UBAC2: variants seen among roughly 807,000 people sequenced by gnomAD.
UBAC2 encodes ubiquitin-associated domain-containing protein 2.
UBAC2 carries 26 observed loss-of-function variants against 44.0 expected under a neutral mutation model. The observed-to-expected ratio is 0.59, with a 90% CI of 0.43 to 0.82. The LOEUF (loss-of-function observed/expected upper bound fraction) is 0.82. UBAC2 is among the 40% of genes least tolerant of loss of function. The pLI, the probability that UBAC2 is intolerant of heterozygous loss-of-function variation, is 0.00. For synonymous variants in UBAC2, 155 were observed against 154.3 expected (o/e 1.00, Z -0.04); for missense variants, 329 against 419.4 (o/e 0.78, Z 1.88).
intron 1 of UBAC2, among the ~76,000 whole-genome samples, chr13:99,230,789 G>A (rs913807493): frequency 4.6e-5 from 7 of 152,080 alleles, no homozygotes; most frequent in African/African-American, 1.7e-4. Context: ...AGCGGCTCAC[G>A]CTTGTAATCC....
intron 8 of UBAC2, among the ~76,000 whole-genome samples, chr13:99,384,136 G>A (rs1195299991): frequency 5.3e-5 from 8 of 152,266 alleles, no homozygotes; most frequent in South Asian, 2.1e-4. Context: ...GTGATACTGG[G>A]CCCCTTCTCT....
chr13:99,312,654 G>T (rs2138761739), intron 4 of UBAC2: 1 of 152,980 alleles, frequency 6.5e-6, no homozygotes, highest in African/African-American at 2.4e-5. Flanking sequence ...CTGCCAGGAG[G>T]AGTCAGAGAA....
At chr13:99,265,244 G>A (rs1384067504) in intron 4 of UBAC2, among the ~76,000 whole-genome samples, 1 of 152,210 alleles carries the variant, frequency 6.6e-6, no homozygotes, top group East Asian at 1.9e-4. Flanking sequence ...TGTATGGGTA[G>A]ACTTTATGAG....
chr13:99,290,463 C>T (rs1164464418), intron 4 of UBAC2, among the ~76,000 whole-genome samples: 1 of 152,004 alleles, frequency 6.6e-6, no homozygotes, highest in Non-Finnish European at 1.5e-5. Context: ...CAGTGGTTTA[C>T]GCTTGTAATC....
Position 99,200,917 on chromosome 13 carries a change from C to T in UBAC2, c.9C>T (p.Thr3=). MF[T]STGSSGLYKA... Reference sequence around the variant, plus strand: ...CCGAGCCCGGCGGGACCATGTTCACCAGCACCGGCTCCAGTGGGCTCTGTG... The same window carrying T: ...CCGAGCCCGGCGGGACCATGTTCACTAGCACCGGCTCCAGTGGGCTCTGTG... Residue 3 remains threonine (T), a synonymous_variant, in exon 1 of 9, where the codon ACC becomes ACT. Transcript: ENST00000403766. 3.8e-6 allele frequency: 5 copies of T among 1,307,210 alleles called. No homozygotes were observed. The highest frequency in any genetic ancestry group is 4.9e-6 in the Non-Finnish European group (5 of 1,019,600). The allele number at this position is 1,307,210 out of a possible 1,614,324, so 81.0% of individuals were successfully genotyped here. A position where few individuals can be genotyped will look rare whatever the true frequency, so the allele number is the denominator to read the frequency against.
rs772013140 is a variant in UBAC2 at position 99,340,325 on chromosome 13, C to T, written c.567C>T (p.Ser189=). ...IWIVAISGLM[S]GLCYDSKMFQ... ...ATTGGACGTTTTTCTTCTAGATGTC[C>T]GGTCTGTGCTACGACAGCAAAATGT... Residue 189 remains serine, a synonymous_variant, in exon 7 of 9, where the codon TCC becomes TCT. Transcript: ENST00000403766. The T allele has an allele frequency of 2.4e-5, 38 of 1,613,578 alleles. No individual in the cohort carries two copies. Among genetic ancestry groups the T allele is most frequent in the Non-Finnish European group, 2.7e-5 (32 of 1,179,770 alleles).
At chr13:99,210,858 C>T (rs559904169) in intron 1 of UBAC2, among the ~76,000 whole-genome samples, 76 of 152,092 alleles carry the variant, frequency 5.0e-4, no homozygotes, top group Admixed American at 2.0e-3. Context: ...GTGATCCACC[C>T]ACCTCGGCCT....
chr13:99,230,738 C>T (rs898599519), intron 1 of UBAC2, among the ~76,000 whole-genome samples: 31 of 152,166 alleles, frequency 2.0e-4, no homozygotes, highest in African/African-American at 6.8e-4. Context: ...TACTCTCCTG[C>T]CTCCCTCTTG....
At chr13:99,338,877 C>T (rs1156615262) in intron 6 of UBAC2, among the ~76,000 whole-genome samples, 1 of 152,204 alleles carries the variant, frequency 6.6e-6, no homozygotes, top group Non-Finnish European at 1.5e-5. Flanking sequence ...GATAACTAAA[C>T]TCTATTTCCC....
chr13:99,238,589 C>G (rs374624325), intron 2 of UBAC2, 35 bp downstream of exon 2: 1 of 1,487,942 alleles, frequency 6.7e-7, no homozygotes, highest in Non-Finnish European at 9.0e-7. Context: ...GAGAGGAGAG[C>G]GGACAGTTTT....
intron 8 of UBAC2, among the ~76,000 whole-genome samples, chr13:99,381,943 A>G (rs937492681): frequency 6.6e-6 from 1 of 152,208 alleles, no homozygotes; most frequent in African/African-American, 2.4e-5. Flanking sequence ...AGGACACCAA[A>G]CCAATCCTGT....
intron 1 of UBAC2, among the ~76,000 whole-genome samples, chr13:99,234,801 A>AC (rs1424484838): frequency 1.3e-5 from 2 of 152,184 alleles, no homozygotes; most frequent in Non-Finnish European, 2.9e-5. Context: ...AGAAGAGGCT[A>AC]CCTAGATGTC....
intron 6 of UBAC2, among the ~76,000 whole-genome samples, chr13:99,333,821 C>A (rs1047521287): frequency 6.6e-6 from 1 of 152,164 alleles, no homozygotes; most frequent in Admixed American, 6.5e-5. Context: ...CTTTAACCTT[C>A]CTCAGTTTCT....
intron 6 of UBAC2, among the ~76,000 whole-genome samples, chr13:99,331,749 A>T (rs1196341350): frequency 1.3e-5 from 2 of 152,226 alleles, no homozygotes; most frequent in Non-Finnish European, 2.9e-5. Flanking sequence ...TTCTTGGGGT[A>T]ATAAATTAGG....
Position 99,359,828 on chromosome 13 carries a change from G to A in UBAC2, c.808-7959G>A, listed in dbSNP as rs374009609. Among the ~76,000 whole-genome samples, 20 of 152,252 alleles carry A rather than the reference G, an allele frequency of 1.3e-4. No individual in the cohort carries two copies. The East Asian group carries it at 1.7e-3, about 13-fold the overall frequency. ...CCCCTAAAGAGTCACATCGCCCTTC[G>A]CTGCCTACCCCATGGTCTCCCCCAG... On this transcript the variant is annotated intron_variant, in intron 7 of 8. Coordinates refer to ENST00000403766, the MANE Select transcript of UBAC2 (RefSeq NM_001144072.2).
intron 1 of UBAC2, among the ~76,000 whole-genome samples, chr13:99,222,534 A>G (rs1392250508): frequency 6.6e-6 from 1 of 152,250 alleles, no homozygotes; most frequent in Non-Finnish European, 1.5e-5. Context: ...GGGGTAGCCC[A>G]TTGGTAATTA....
At chr13:99,333,239 T>G (rs1368253286) in intron 6 of UBAC2, among the ~76,000 whole-genome samples, 1 of 152,276 alleles carries the variant, frequency 6.6e-6, no homozygotes, top group Admixed American at 6.5e-5. Context: ...TTGTCCCATC[T>G]TTCCATAGAC....
chr13:99,358,513 T>C (rs947320043), intron 7 of UBAC2, among the ~76,000 whole-genome samples: 3 of 152,242 alleles, frequency 2.0e-5, no homozygotes, highest in East Asian at 1.9e-4. Flanking sequence ...TTATTTTTTA[T>C]TTCAAAAATC....
In UBAC2 at chr13:99,325,748, T is replaced by C. The variant is rs58199058; in HGVS notation, c.561+7679T>C. ...CATTTTACTCTCTGATTCTGTGAAATTGACTATCTTATATACCTCATATAA... is the reference window on the plus strand; with the variant it reads ...CATTTTACTCTCTGATTCTGTGAAACTGACTATCTTATATACCTCATATAA... On this transcript the variant is annotated intron_variant, in intron 6 of 8. Coordinates refer to ENST00000403766, the MANE Select transcript of UBAC2 (RefSeq NM_001144072.2). Among the ~76,000 whole-genome samples, 957 of 152,338 alleles carry C rather than the reference T, an allele frequency of 6.3e-3. 9 individuals are homozygous for C. Among genetic ancestry groups the C allele is most frequent in the African/African-American group, 0.02 (832 of 41,574 alleles).
Sources: gnomAD v4.1 joint callset for allele counts (sites outside exome capture counted in the v4.1 genomes callset) on GRCh38, gnomAD v4.1.1 for gene constraint, MANE v1.5 for transcripts, NCBI Gene and HGNC (gene_info 2026-07-23, HGNC 2026-07-21) for gene names.